ARL15: variants seen among roughly 807,000 people sequenced by gnomAD.
ARL15 encodes the protein ARF like GTPase 15.
A neutral mutation model predicts 25.2 loss-of-function variants in ARL15; 19 were observed. That is an observed-to-expected ratio of 0.75 (90% CI 0.53 to 1.10). The LOEUF (loss-of-function observed/expected upper bound fraction) is 1.10. ARL15 is among the 50% of genes least tolerant of loss of function. ARL15 has a pLI of 0.00. For synonymous variants in ARL15, 94 were observed against 86.8 expected, an observed-to-expected ratio of 1.08 and a Z score of -0.46; for missense variants, 220 against 246.0, an observed-to-expected ratio of 0.89 and a Z score of 0.71.
At chr5:54,089,710 G>A (rs1752076823) in intron 4 of ARL15, among the ~76,000 whole-genome samples, 1 of 152,060 alleles carries the variant, frequency 6.6e-6, no homozygotes, top group African/African-American at 2.4e-5. Flanking sequence ...GTCAATGTAG[G>A]TAGACAAGAA....
chr5:54,116,205 G>A (rs1752893747), intron 3 of ARL15, among the ~76,000 whole-genome samples: 2 of 152,166 alleles, frequency 1.3e-5, no homozygotes, highest in African/African-American at 4.8e-5. Context: ...AAACATATTT[G>A]GTTGGGGCAA....
chr5:54,220,740 G>A (rs78229663), intron 1 of ARL15, among the ~76,000 whole-genome samples: 19,359 of 151,042 alleles, frequency 0.13, 1,553 homozygotes, highest in Middle Eastern at 0.2. Context: ...AATCAGCAGT[G>A]TCCCCTAGCA....
chr5:53,957,856 T>C (rs966488603), intron 4 of ARL15, among the ~76,000 whole-genome samples: 1 of 151,720 alleles, frequency 6.6e-6, no homozygotes, highest in African/African-American at 2.4e-5. Context: ...AACAGGTAAA[T>C]ATAAAAGCTA....
chr5:53,981,670 C>T (rs111458361), intron 4 of ARL15, among the ~76,000 whole-genome samples: 30 of 152,092 alleles, frequency 2.0e-4, no homozygotes, highest in Middle Eastern at 6.8e-3. Flanking sequence ...CTGAGGCAGG[C>T]GGATCACCTG....
intron 1 of ARL15, among the ~76,000 whole-genome samples, chr5:54,270,456 A>G (rs890114809): frequency 2.0e-5 from 3 of 152,200 alleles, no homozygotes; most frequent in Non-Finnish European, 2.9e-5. Context: ...ACTGCTACCT[A>G]CCATAACTTA....
chr5:54,310,561 A>G lies in ARL15; in HGVS notation c.-82T>C. On this transcript the variant is annotated 5_prime_UTR_variant, in exon 1 of 5. Coordinates refer to ENST00000504924, the MANE Select transcript of ARL15 (RefSeq NM_019087.3). ...CTGGCTGCGAGCGAGCAGCTCCTGA[A>G]AAAGCCAGCAACAGCGAAAATAGCC... is the stretch of plus-strand genomic sequence containing the variant. The G allele has an allele frequency of 6.8e-7, 1 of 1,473,522 alleles. No homozygotes were observed. The highest frequency in any genetic ancestry group is 9.2e-7 in the Non-Finnish European group (1 of 1,085,116). The allele number at this position is 1,473,522 out of a possible 1,614,324, so 91.3% of individuals were successfully genotyped here.
chr5:54,263,432 G>A (rs940410486), intron 1 of ARL15, among the ~76,000 whole-genome samples: 2 of 152,080 alleles, frequency 1.3e-5, no homozygotes, highest in Non-Finnish European at 2.9e-5. Flanking sequence ...AAACAAAAGG[G>A]AATCACATAA....
At chr5:54,288,888 A>G (rs1178314741) in intron 1 of ARL15, among the ~76,000 whole-genome samples, 1 of 152,204 alleles carries the variant, frequency 6.6e-6, no homozygotes, top group Non-Finnish European at 1.5e-5. Flanking sequence ...CATGCATGGC[A>G]GAAACCTATC....
At chr5:54,191,489 TAA>T (rs35882974) in intron 1 of ARL15, among the ~76,000 whole-genome samples, 1 of 151,646 alleles carries the variant, frequency 6.6e-6, no homozygotes, top group African/African-American at 2.4e-5. Flanking sequence ...TTTACAAAAA[TAA>T]AAAAAAATTT....
In ARL15 at chr5:53,918,830, T is replaced by TAA. The variant is rs3839230; in HGVS notation, c.463-32119_463-32118dup. On this transcript the variant is annotated intron_variant, in intron 4 of 4. Coordinates refer to ENST00000504924, the MANE Select transcript of ARL15 (RefSeq NM_019087.3). ...TCTTATAATTTGGTGAAGTTGACAG[T>TAA]AAAAAAAAAAGCTGCATTATTTTCG... Among the ~76,000 whole-genome samples the TAA allele has an allele frequency of 8.1e-3, 1,202 of 149,034 alleles. 20 individuals carry two copies. The highest frequency in any genetic ancestry group is 0.028 in the African/African-American group (1,124 of 40,812).
intron 1 of ARL15, among the ~76,000 whole-genome samples, chr5:54,238,547 T>C (rs989748610): frequency 1.3e-5 from 2 of 152,184 alleles, no homozygotes; most frequent in Admixed American, 6.5e-5. Flanking sequence ...TTTAGGAACA[T>C]AGAGCACTAG....
At chr5:53,919,647 G>A (rs536479038) in intron 4 of ARL15, among the ~76,000 whole-genome samples, 5 of 130,446 alleles carry the variant, frequency 3.8e-5, no homozygotes, top group Admixed American at 3.7e-4. Flanking sequence ...ACTTGCAGCA[G>A]CTGCTGCCAT....
intron 1 of ARL15, among the ~76,000 whole-genome samples, chr5:54,284,669 T>G (rs1758143766): frequency 6.6e-6 from 1 of 152,244 alleles, no homozygotes; most frequent in South Asian, 2.1e-4. Flanking sequence ...ATTGCTAAAA[T>G]TATTACCCTG....
chr5:54,176,419 G>GT (rs1169674020), intron 1 of ARL15, among the ~76,000 whole-genome samples: 1 of 152,086 alleles, frequency 6.6e-6, no homozygotes, highest in African/African-American at 2.4e-5. Flanking sequence ...GTTTTCATTT[G>GT]TTTTTTGTTT....
In ARL15 at chr5:54,161,998, T is replaced by TACACACACAC. The variant is rs3839223; in HGVS notation, c.194-7369_194-7360dup. ...GTTCTTCTTTACTTACACACACACATACACACACACACACACACACACACA... is the reference window on the plus strand; with the variant it reads ...GTTCTTCTTTACTTACACACACACATACACACACACACACACACACACACACACACACACA... On this transcript the variant is annotated intron_variant, in intron 2 of 4. Coordinates refer to ENST00000504924, the MANE Select transcript of ARL15 (RefSeq NM_019087.3). Among the ~76,000 whole-genome samples the TACACACACAC allele has an allele frequency of 5.9e-3, 857 of 144,672 alleles. 8 individuals carry two copies. The highest frequency in any genetic ancestry group is 0.017 in the African/African-American group (682 of 39,686). 94.9% of individuals were successfully genotyped at this position (144,672 alleles called of 152,430 possible).
intron 1 of ARL15, among the ~76,000 whole-genome samples, chr5:54,301,274 G>T (rs188991637): frequency 4.6e-5 from 7 of 152,196 alleles, no homozygotes; most frequent in African/African-American, 1.4e-4. Flanking sequence ...AGGGAAAAAA[G>T]CAAATTTAGA....
chr5:54,203,737 C>A (rs1755782723), intron 1 of ARL15, among the ~76,000 whole-genome samples: 1 of 152,116 alleles, frequency 6.6e-6, no homozygotes, highest in Non-Finnish European at 1.5e-5. Context: ...CTATTCCATA[C>A]AAGGAATCAC....
At chr5:54,304,004 C>G (rs1579996133) in intron 1 of ARL15, among the ~76,000 whole-genome samples, 1 of 152,326 alleles carries the variant, frequency 6.6e-6, no homozygotes, top group East Asian at 1.9e-4. Context: ...CTGTAACAAT[C>G]ACCTGCCAGA....
Position 54,291,604 on chromosome 5 carries a change from T to A in ARL15, c.48+18828A>T, listed in dbSNP as rs148530026. 1.6e-3 allele frequency among the ~76,000 whole-genome samples: 241 copies of A among 152,286 alleles called. 2 individuals are homozygous for A. Among genetic ancestry groups the A allele is most frequent in the Non-Finnish European group, 2.4e-3 (163 of 68,028 alleles). ...CTCTACTGAATTAAATAAGCAAGCA[T>A]CAGGTGCTTAGCAAAGGGAAGATAT... On this transcript the variant is annotated intron_variant, in intron 1 of 4. Transcript: ENST00000504924.
Sources: gnomAD v4.1 joint callset for allele counts (sites outside exome capture counted in the v4.1 genomes callset) on GRCh38, gnomAD v4.1.1 for gene constraint, MANE v1.5 for transcripts, NCBI Gene and HGNC (gene_info 2026-07-23, HGNC 2026-07-21) for gene names.